ZMYND8: variants seen among roughly 807,000 people sequenced by gnomAD.
The protein encoded by ZMYND8 is MYND-type zinc finger-containing chromatin reader ZMYND8.
ZMYND8 carries 37 observed loss-of-function variants against 140.8 expected under a neutral mutation model. The observed-to-expected ratio is 0.26, with a 90% CI of 0.20 to 0.35. The LOEUF (loss-of-function observed/expected upper bound fraction) is 0.35. Among genes scored for constraint, ZMYND8 ranks in the 10% least tolerant of loss-of-function variants. ZMYND8 has a pLI of 1.00. For synonymous variants in ZMYND8, 592 were observed against 597.1 expected, an observed-to-expected ratio of 0.99 and a Z score of 0.12; for missense variants, 1,068 against 1,570.0, an observed-to-expected ratio of 0.68 and a Z score of 5.40.
intron 3 of ZMYND8, among the ~76,000 whole-genome samples, chr20:47,299,703 C>A (rs987200761): frequency 3.3e-5 from 5 of 152,166 alleles, no homozygotes; most frequent in Admixed American, 6.5e-5. Flanking sequence ...CCTGCCTCAG[C>A]CTCCTGAGTA....
chr20:47,214,444 A>G (rs912082328), intron 21 of ZMYND8, among the ~76,000 whole-genome samples: 2 of 152,112 alleles, frequency 1.3e-5, no homozygotes, highest in African/African-American at 4.8e-5. Context: ...TGGCGCTCTC[A>G]CTGTGCTGAT....
At chr20:47,213,291 A>C (rs930158810) in intron 21 of ZMYND8, among the ~76,000 whole-genome samples, 1 of 152,236 alleles carries the variant, frequency 6.6e-6, no homozygotes, top group South Asian at 2.1e-4. Context: ...AATCAGAGTC[A>C]AAAAACAGTG....
chr20:47,236,597 CT>C (rs1241511611), intron 15 of ZMYND8, 81 bp from the exon 16 acceptor site: 2 of 1,349,582 alleles, frequency 1.5e-6, no homozygotes, highest in East Asian at 5.4e-5. Flanking sequence ...AGCAAAGCCC[CT>C]AATAGACATC....
chr20:47,210,659 C>G lies in ZMYND8; in HGVS notation c.*102G>C. On this transcript the variant is annotated 3_prime_UTR_variant, in exon 23 of 23. Coordinates refer to ENST00000471951, the MANE Select transcript of ZMYND8 (RefSeq NM_001281775.3). ...GCTCAACTGAGGGTTTTGTCATTTTCAAGTCTGAAAGTGGCTGTTCTCCTG... is the reference window on the plus strand; with the variant it reads ...GCTCAACTGAGGGTTTTGTCATTTTGAAGTCTGAAAGTGGCTGTTCTCCTG... 1 of 1,601,082 alleles carries G rather than the reference C, an allele frequency of 6.2e-7. No individual in the cohort carries two copies. Among genetic ancestry groups the G allele is most frequent in the Non-Finnish European group, 8.5e-7 (1 of 1,170,014 alleles).
Position 47,210,647 on chromosome 20 carries a change from T to G in ZMYND8, c.*114A>C, listed in dbSNP as rs13040073. On this transcript the variant is annotated 3_prime_UTR_variant, in exon 23 of 23. Transcript: ENST00000471951. ...CCGGGGGCTCAGGCTCAACTGAGGG[T>G]TTTGTCATTTTCAAGTCTGAAAGTG... The G allele has an allele frequency of 6.4e-7, 1 of 1,570,936 alleles. No homozygotes were observed. The highest frequency in any genetic ancestry group is 8.7e-7 in the Non-Finnish European group (1 of 1,144,272).
intron 11 of ZMYND8, among the ~76,000 whole-genome samples, chr20:47,270,593 G>T (rs935462740): frequency 3.3e-5 from 5 of 149,574 alleles, no homozygotes; most frequent in African/African-American, 7.4e-5. Flanking sequence ...GGGTGTGGTG[G>T]TATGTGCCTG....
intron 2 of ZMYND8, among the ~76,000 whole-genome samples, chr20:47,313,117 C>T (rs890030926): frequency 1.3e-5 from 2 of 151,706 alleles, no homozygotes; most frequent in African/African-American, 4.8e-5. Flanking sequence ...GTAATCCCAG[C>T]ACTTTGAGAG....
intron 12 of ZMYND8, among the ~76,000 whole-genome samples, chr20:47,251,604 G>A (rs895281378): frequency 6.6e-6 from 1 of 151,910 alleles, no homozygotes; most frequent in African/African-American, 2.4e-5. Flanking sequence ...AAAATTTACT[G>A]GACAAAGAAC....
At chr20:47,227,117 C>A in intron 18 of ZMYND8, 86 bp downstream of exon 18, 2 of 1,355,404 alleles carry the variant, frequency 1.5e-6, no homozygotes, top group Non-Finnish European at 2.1e-6. Context: ...GCTTTAATTG[C>A]ACTCACATCT....
chr20:47,256,423 T>C (rs1033745623), intron 12 of ZMYND8, among the ~76,000 whole-genome samples: 1 of 151,802 alleles, frequency 6.6e-6, no homozygotes, highest in Non-Finnish European at 1.5e-5. Context: ...ATTGAGACCA[T>C]CCTGGCTAAC....
rs1328019363 is a variant in ZMYND8, at chr20:47,262,264, A to T, written c.1621+24T>A. 4 of 1,614,080 alleles carry T rather than the reference A, an allele frequency of 2.5e-6. No homozygotes were observed. The East Asian group carries it at 8.9e-5, about 36-fold the overall frequency. On this transcript the variant is annotated intron_variant, in intron 12 of 22. Transcript: ENST00000471951. ...AAATATCCACAGTTGCCACAGAAAG[A>T]TACTGGCAAAAATTCTGACTGACCC...
intron 2 of ZMYND8, among the ~76,000 whole-genome samples, chr20:47,333,724 C>CAAAAAAAAAAAAAAAA (rs57968979): frequency 3.4e-5 from 1 of 29,726 alleles, no homozygotes; most frequent in African/African-American, 1.1e-4. Context: ...GACTCCGTCT[C>CAAAAAAAAAAAAAAAA]AAAAAAAAAA....
chr20:47,230,619 GAGA>G (rs1429547311), intron 16 of ZMYND8, among the ~76,000 whole-genome samples: 2 of 152,040 alleles, frequency 1.3e-5, no homozygotes, highest in African/African-American at 4.8e-5. Flanking sequence ...GTAGGTTCGA[GAGA>G]AGGATTACTT....
chr20:47,310,802 A>AG (rs1045495352), intron 2 of ZMYND8, among the ~76,000 whole-genome samples: 5 of 151,648 alleles, frequency 3.3e-5, no homozygotes, highest in African/African-American at 1.2e-4. Flanking sequence ...AAAAAAAAAA[A>AG]AAAAACAGAT....
chr20:47,321,256 G>A (rs2079923236), intron 2 of ZMYND8, among the ~76,000 whole-genome samples: 1 of 152,262 alleles, frequency 6.6e-6, no homozygotes, highest in African/African-American at 2.4e-5. Context: ...CTCAGTACAC[G>A]CCCCCATCAT....
chr20:47,335,781 C>T (rs2081346216), intron 2 of ZMYND8, among the ~76,000 whole-genome samples: 1 of 152,186 alleles, frequency 6.6e-6, no homozygotes, highest in Admixed American at 6.5e-5. Context: ...CGACAGGATT[C>T]CATGAACAGA....
chr20:47,218,378 C>A (rs951191568), intron 21 of ZMYND8, among the ~76,000 whole-genome samples: 1 of 152,250 alleles, frequency 6.6e-6, no homozygotes, highest in African/African-American at 2.4e-5. Flanking sequence ...ACCTTCCTCA[C>A]ACCACTTGTG....
At chr20:47,212,612 G>A (rs1361495501) in intron 22 of ZMYND8, 30 bp downstream of exon 22, 1 of 1,611,546 alleles carries the variant, frequency 6.2e-7, no homozygotes, top group East Asian at 2.2e-5. Flanking sequence ...AGAAGCCCCG[G>A]CAGCTTTCGT....
chr20:47,291,432 T>G (rs894126446), intron 6 of ZMYND8, among the ~76,000 whole-genome samples: 4 of 152,216 alleles, frequency 2.6e-5, no homozygotes, highest in African/African-American at 9.6e-5. Context: ...TCCCAGACAC[T>G]TAATTTTCTC....
Sources: gnomAD v4.1 joint callset for allele counts (sites outside exome capture counted in the v4.1 genomes callset) on GRCh38, gnomAD v4.1.1 for gene constraint, MANE v1.5 for transcripts, NCBI Gene and HGNC (gene_info 2026-07-23, HGNC 2026-07-21) for gene names.